The following GPC5 variants were observed in gnomAD, a reference collection of about 807,000 sequenced individuals.
GPC5 encodes the protein glypican-5.
In GPC5, 47 loss-of-function variants were observed where a neutral mutation model predicts 53.9. That is an observed-to-expected ratio of 0.87 (90% CI 0.69 to 1.11). GPC5 has a LOEUF of 1.11. Ranked by LOEUF, GPC5 falls within the 50% of genes most tolerant of loss-of-function variation. GPC5 has a pLI of 0.00. For missense variants in GPC5, 748 were observed against 713.1 expected (o/e 1.05, Z -0.56); for synonymous variants, 286 against 263.3 (o/e 1.09, Z -0.84).
intron 7 of GPC5, among the ~76,000 whole-genome samples, chr13:92,442,093 G>A (rs766147904): frequency 3.9e-5 from 6 of 152,112 alleles, no homozygotes; most frequent in Non-Finnish European, 7.4e-5. Flanking sequence ...GTGAAATCTC[G>A]AGACAAATAA....
intron 7 of GPC5, among the ~76,000 whole-genome samples, chr13:92,424,803 TATTCATCTATTC>T (rs60050657): frequency 0.24 from 33,072 of 136,080 alleles, 4,587 homozygotes; most frequent in East Asian, 0.6. Flanking sequence ...CACAAATCAA[TATTCATCTATTC>T]ATTCATTCAT....
At position 91,845,097 on chromosome 13, in the gene GPC5, C is replaced by A. The variant is rs992601576; in HGVS notation, c.1281-62840C>A. Among the ~76,000 whole-genome samples, 18 of 152,222 alleles carry A rather than the reference C, an allele frequency of 1.2e-4. 1 individual carries two copies. In the South Asian group the frequency reaches 3.7e-3, roughly 32 times the overall value. The stretch of plus-strand genomic sequence containing the variant: ...CTCTAATAATTACTATACAGTGATT[C>A]TCCACCACAAAAGAATGCTAGTAAT... On this transcript the variant is annotated intron_variant, in intron 5 of 7. Coordinates refer to ENST00000377067, the MANE Select transcript of GPC5 (RefSeq NM_004466.6).
chr13:92,068,591 T>A (rs2041185253), intron 6 of GPC5, among the ~76,000 whole-genome samples: 1 of 151,546 alleles, frequency 6.6e-6, no homozygotes, highest in African/African-American at 2.4e-5. Flanking sequence ...CCTTATTAAT[T>A]ATAATATTTT....
intron 7 of GPC5, among the ~76,000 whole-genome samples, chr13:92,216,148 T>G (rs1362755129): frequency 6.6e-6 from 1 of 152,212 alleles, no homozygotes; most frequent in African/African-American, 2.4e-5. Context: ...GCCTAAGTCC[T>G]TACAGTTATC....
intron 7 of GPC5, among the ~76,000 whole-genome samples, chr13:92,547,924 G>T (rs543384415): frequency 6.9e-6 from 1 of 144,164 alleles, no homozygotes; most frequent in Non-Finnish European, 1.5e-5. Flanking sequence ...CCGCCTCCCG[G>T]GTTCACACCA....
chr13:92,313,061 C>A (rs1013783203), intron 7 of GPC5, among the ~76,000 whole-genome samples: 58 of 152,186 alleles, frequency 3.8e-4, no homozygotes, highest in African/African-American at 1.3e-3. Flanking sequence ...ATGTGGACCA[C>A]CTACTTGTTC....
intron 2 of GPC5, among the ~76,000 whole-genome samples, chr13:91,549,801 T>G (rs1013582844): frequency 6.6e-6 from 1 of 152,154 alleles, no homozygotes; most frequent in Admixed American, 6.5e-5. Context: ...TCTCATTAAT[T>G]GCTGGTGGGA....
At chr13:92,160,056 C>T (rs1750449148) in intron 7 of GPC5, among the ~76,000 whole-genome samples, 1 of 152,064 alleles carries the variant, frequency 6.6e-6, no homozygotes, top group African/African-American at 2.4e-5. Context: ...GTGCACACTG[C>T]CACACTGGGC....
chr13:91,802,558 G>A (rs1214934958), intron 5 of GPC5, among the ~76,000 whole-genome samples: 1 of 152,096 alleles, frequency 6.6e-6, no homozygotes, highest in Admixed American at 6.6e-5. Flanking sequence ...TCCCTTATTT[G>A]GCCCCACCCA....
At chr13:92,754,188 G>C (rs865843026) in intron 7 of GPC5, among the ~76,000 whole-genome samples, 149 of 152,214 alleles carry the variant, frequency 9.8e-4, no homozygotes, top group Middle Eastern at 3.4e-3. Flanking sequence ...CATTCTTAAA[G>C]ACAAGAATTT....
intron 7 of GPC5, among the ~76,000 whole-genome samples, chr13:92,833,130 T>C (rs561460258): frequency 1.4e-3 from 209 of 152,328 alleles, no homozygotes; most frequent in Non-Finnish European, 2.7e-3. Flanking sequence ...TAAAATGTAT[T>C]CCTTTGAAAC....
At chr13:92,271,102 A>G (rs76224350) in intron 7 of GPC5, among the ~76,000 whole-genome samples, 4,383 of 152,234 alleles carry the variant, frequency 0.029, 224 homozygotes, top group African/African-American at 0.1. Context: ...CACAGAAACA[A>G]TTTAGAGCCC....
chr13:92,411,062 C>G (rs1195402929), intron 7 of GPC5, among the ~76,000 whole-genome samples: 1 of 152,048 alleles, frequency 6.6e-6, no homozygotes, highest in Admixed American at 6.6e-5. Flanking sequence ...TACGGTGAAA[C>G]CCTGTCTCTC....
At chr13:91,996,514 T>G (rs2040505276) in intron 6 of GPC5, 1 of 152,210 alleles carries the variant, frequency 6.6e-6, no homozygotes, top group Non-Finnish European at 1.5e-5. Flanking sequence ...AGAAGTAAGT[T>G]TTTAAAAGCA....
intron 7 of GPC5, among the ~76,000 whole-genome samples, chr13:92,525,459 TGTGTG>T (rs1291525886): frequency 5.3e-5 from 8 of 151,138 alleles, no homozygotes; most frequent in African/African-American, 1.9e-4. Context: ...TGTGTGTGTG[TGTGTG>T]TGTGTGTGTG....
chr13:92,863,141 T>A (rs1012790817), intron 7 of GPC5, among the ~76,000 whole-genome samples: 1 of 152,158 alleles, frequency 6.6e-6, no homozygotes, highest in African/African-American at 2.4e-5. Context: ...GTAGGTAACA[T>A]AATTTATCTT....
chr13:92,328,911 C>T (rs1347027324), intron 7 of GPC5, among the ~76,000 whole-genome samples: 2 of 152,122 alleles, frequency 1.3e-5, no homozygotes, highest in East Asian at 3.9e-4. Context: ...GTGCTTTTCC[C>T]TCACCAGATG....
intron 5 of GPC5, among the ~76,000 whole-genome samples, chr13:91,767,255 G>T (rs971033817): frequency 1.3e-5 from 2 of 152,174 alleles, no homozygotes; most frequent in Admixed American, 6.5e-5. Flanking sequence ...TGAAAACTGA[G>T]AAATTATGTC....
intron 6 of GPC5, among the ~76,000 whole-genome samples, chr13:92,064,989 T>A (rs550258927): frequency 2.6e-5 from 4 of 152,122 alleles, no homozygotes. Flanking sequence ...TAATTCTCAA[T>A]AAAACCAATT....
Sources: gnomAD v4.1 joint callset for allele counts (sites outside exome capture counted in the v4.1 genomes callset) on GRCh38, gnomAD v4.1.1 for gene constraint, MANE v1.5 for transcripts, NCBI Gene and HGNC (gene_info 2026-07-23, HGNC 2026-07-21) for gene names.